Variants in GKN2 observed in about 807,000 individuals in gnomAD.
GKN2 encodes the protein gastrokine 2.
A neutral mutation model predicts 22.7 loss-of-function variants in GKN2; 17 were observed. The ratio of observed to expected loss-of-function variants is 0.75; its 90% CI spans 0.51 to 1.13. The LOEUF is 1.13. Ranked by LOEUF, GKN2 falls within the 50% of genes most tolerant of loss-of-function variation. GKN2 has a pLI of 0.00. For synonymous variants in GKN2, 82 were observed against 79.6 expected, an observed-to-expected ratio of 1.03 and a Z score of -0.16; for missense variants, 248 against 221.4, an observed-to-expected ratio of 1.12 and a Z score of -0.76.
chr2:68,949,100 T>C (rs922108132), intron 3 of GKN2, among the ~76,000 whole-genome samples: 4 of 152,222 alleles, frequency 2.6e-5, no homozygotes, highest in African/African-American at 9.6e-5. Flanking sequence ...GGAACCTACT[T>C]ATATCCATAG....
intron 2 of GKN2, among the ~76,000 whole-genome samples, chr2:68,950,470 G>C (rs958022018): frequency 1.3e-5 from 2 of 152,210 alleles, no homozygotes; most frequent in African/African-American, 4.8e-5. Flanking sequence ...GGGAGAAGCA[G>C]TGATATCACA....
chr2:68,952,796 A>G, intron 1 of GKN2, 54 bp downstream of exon 1: 3 of 1,591,970 alleles, frequency 1.9e-6, no homozygotes, highest in Non-Finnish European at 2.6e-6. Flanking sequence ...AGATATGAGC[A>G]TTGTCTGCAA....
chr2:68,948,547 T>C (rs1669807013), intron 3 of GKN2, among the ~76,000 whole-genome samples: 1 of 152,108 alleles, frequency 6.6e-6, no homozygotes. Context: ...ATTTGCCATC[T>C]TTTCTTCCTC....
chr2:68,950,733 G>A lies in GKN2; in HGVS notation c.35C>T (p.Thr12Ile). ...KILVAFLVVLTIFGIQSHGYE... is the reference protein window; with the variant it reads ...KILVAFLVVLIIFGIQSHGYE... ...TCCATGAGATTGTATCCCAAAGATG[G>A]TCAGCACCACCAGAAATGCCACCTG... Residue 12 changes from threonine (T) to isoleucine (I), a missense_variant, in exon 2 of 6, where the codon ACC (threonine) becomes ATC (isoleucine). By Grantham distance (89) the Thr-to-Ile change is moderately conservative. Transcript: ENST00000328895. 6.2e-7 allele frequency: 1 copy of A among 1,614,094 alleles called. No homozygotes were observed. The highest frequency in any genetic ancestry group is 8.5e-7 in the Non-Finnish European group (1 of 1,180,002).
At chr2:68,947,310 C>T (rs1378316941) in intron 3 of GKN2, 53 bp from the exon 4 acceptor site, 23 of 1,185,608 alleles carry the variant, frequency 1.9e-5, no homozygotes, top group Non-Finnish European at 2.8e-5. Flanking sequence ...TGAATCTGAA[C>T]TTGGTGAAGA....
At chr2:68,950,349 T>C in intron 2 of GKN2, 86 bp from the exon 3 acceptor site, 1 of 1,339,398 alleles carries the variant, frequency 7.5e-7, no homozygotes, top group African/African-American at 1.5e-5. Context: ...AGCAGCTGCC[T>C]GCTATGAACA....
At chr2:68,952,764 C>T (rs1487575932) in intron 1 of GKN2, 86 bp downstream of exon 1, 7 of 1,402,354 alleles carry the variant, frequency 5.0e-6, no homozygotes, top group Non-Finnish European at 7.0e-6. Flanking sequence ...CTGTCTAAGA[C>T]TCCCAAAATC....
At chr2:68,949,515 G>A (rs1669823396) in intron 3 of GKN2, among the ~76,000 whole-genome samples, 1 of 151,936 alleles carries the variant, frequency 6.6e-6, no homozygotes, top group African/African-American at 2.4e-5. Context: ...GACTTCCTGG[G>A]CTCCAGCAAT....
At chr2:68,948,940 T>C (rs962513392) in intron 3 of GKN2, among the ~76,000 whole-genome samples, 1 of 152,196 alleles carries the variant, frequency 6.6e-6, no homozygotes, top group Non-Finnish European at 1.5e-5. Context: ...ACAATTTCAG[T>C]GCCACTTCCT....
At position 68,946,316 on chromosome 2, in the gene GKN2, C is replaced by T. The variant is rs1332491381; in HGVS notation, c.460G>A (p.Val154Ile). Residue 154 changes from valine (V) to isoleucine (I), a missense_variant, in exon 5 of 6, where the codon GTT (valine) becomes ATT (isoleucine). By Grantham distance (29) the Val-to-Ile change is conservative. Transcript: ENST00000328895. ...KHIPLYKGEVVENTHNVGAGG... is the reference protein window; with the variant it reads ...KHIPLYKGEVIENTHNVGAGG... ...TATTGGTACTCACGTGTGTTTTCAA[C>T]CACTTCCCCCTTATACAAAGGGATA... 16 of 1,606,664 alleles carry T rather than the reference C, an allele frequency of 1.0e-5. No homozygotes were observed. In the South Asian group the frequency reaches 1.5e-4, roughly 15 times the overall value.
intron 3 of GKN2, among the ~76,000 whole-genome samples, chr2:68,949,759 C>G (rs1245708560): frequency 4.6e-5 from 7 of 152,130 alleles, no homozygotes; most frequent in Non-Finnish European, 7.4e-5. Context: ...GTTAGAAGCC[C>G]TATTCATTCA....
chr2:68,951,958 C>T lies in GKN2; in HGVS notation c.12+892G>A, dbSNP rs562456533. Among the ~76,000 whole-genome samples the T allele has an allele frequency of 1.7e-4, 26 of 152,276 alleles. No homozygotes were observed. In the South Asian group the frequency reaches 5.2e-3, roughly 30 times the overall value. ...CTCAATTTGGAAAATCAAGACAGCC[C>T]TGAGAGAGGGAGCTCTTTAAGCTGA... On this transcript the variant is annotated intron_variant, in intron 1 of 5. Coordinates refer to ENST00000328895, the MANE Select transcript of GKN2 (RefSeq NM_182536.3).
intron 1 of GKN2, among the ~76,000 whole-genome samples, chr2:68,951,768 T>C (rs1669859556): frequency 6.6e-6 from 1 of 152,222 alleles, no homozygotes; most frequent in South Asian, 2.1e-4. Context: ...TTCTAGTTAA[T>C]GAGTCTAAAA....
Position 68,947,813 on chromosome 2 carries a change from C to G in GKN2, c.205-556G>C, listed in dbSNP as rs147796924. Among the ~76,000 whole-genome samples the G allele has an allele frequency of 6.2e-3, 946 of 152,250 alleles. 9 individuals carry two copies. Among genetic ancestry groups the G allele is most frequent in the African/African-American group, 0.022 (895 of 41,542 alleles). On this transcript the variant is annotated intron_variant, in intron 3 of 5. Transcript: ENST00000328895. Reference sequence around the variant, plus strand: ...CCATATTAGCCAGGCTGGTCTCAAACTCCTGATCTCAAGTGATCCACCCAC... The same window carrying G: ...CCATATTAGCCAGGCTGGTCTCAAAGTCCTGATCTCAAGTGATCCACCCAC...
intron 1 of GKN2, 79 bp from the exon 2 acceptor site, chr2:68,950,834 A>G (rs956568273): frequency 3.5e-6 from 5 of 1,419,438 alleles, no homozygotes; most frequent in Non-Finnish European, 5.0e-6. Flanking sequence ...TGGACAGGAA[A>G]GGCACAGATA....
chr2:68,947,058 A>T, intron 4 of GKN2, 89 bp downstream of exon 4: 1 of 790,678 alleles, frequency 1.3e-6, no homozygotes, highest in Non-Finnish European at 2.3e-6. Context: ...TGATAGTATG[A>T]TCTTCTCCCT....
At position 68,946,316 on chromosome 2, in the gene GKN2, C is replaced by A. The variant is rs1332491381; in HGVS notation, c.460G>T (p.Val154Phe). The change falls in exon 5 of 6, where the codon GTT becomes TTT. Residue 154 changes from valine to phenylalanine, a missense_variant. Transcript: ENST00000328895. Reference sequence around the variant, plus strand: ...TATTGGTACTCACGTGTGTTTTCAACCACTTCCCCCTTATACAAAGGGATA... The same window carrying A: ...TATTGGTACTCACGTGTGTTTTCAAACACTTCCCCCTTATACAAAGGGATA... ...KHIPLYKGEV[V>F]ENTHNVGAGG... The A allele has an allele frequency of 1.2e-6, 2 of 1,606,780 alleles. No individual in the cohort carries two copies. The highest frequency in any genetic ancestry group is 8.5e-7 in the Non-Finnish European group (1 of 1,177,990).
chr2:68,951,650 G>T (rs955070939), intron 1 of GKN2, among the ~76,000 whole-genome samples: 1 of 152,140 alleles, frequency 6.6e-6, no homozygotes, highest in Non-Finnish European at 1.5e-5. Flanking sequence ...TCTGGGGACT[G>T]GGAGTAGAGC....
chr2:68,947,619 C>G (rs995527256), intron 3 of GKN2, among the ~76,000 whole-genome samples: 1 of 152,064 alleles, frequency 6.6e-6, no homozygotes, highest in African/African-American at 2.4e-5. Context: ...GAGACAGACT[C>G]TCACTCTGTT....
Sources: allele counts gnomAD v4.1 joint callset (sites outside exome capture counted in the v4.1 genomes callset), GRCh38; gene constraint gnomAD v4.1.1; transcripts MANE v1.5; gene names NCBI Gene and HGNC (gene_info 2026-07-23, HGNC 2026-07-21).